ALLC: variants seen among roughly 807,000 people sequenced by gnomAD.
ALLC encodes the protein probable inactive allantoicase.
A neutral mutation model predicts 45.0 loss-of-function variants in ALLC; 40 were observed. The observed-to-expected ratio is 0.89, with a 90% CI of 0.69 to 1.16. The LOEUF (loss-of-function observed/expected upper bound fraction) is 1.16. Among genes scored for constraint, ALLC ranks in the 50% most tolerant of loss-of-function variants. The pLI is 0.00. For synonymous variants in ALLC, 176 were observed against 178.1 expected, an observed-to-expected ratio of 0.99 and a Z score of 0.09; for missense variants, 488 against 493.1, an observed-to-expected ratio of 0.99 and a Z score of 0.10.
At chr2:3,655,565 C>T (rs2147987239), upstream of ALLC, among the ~76,000 whole-genome samples, 1 of 152,322 alleles carries the variant, frequency 6.6e-6, no homozygotes, top group African/African-American at 2.4e-5. Context: ...AAGCGATCCT[C>T]CCACCTCAGC....
At chr2:3,654,481 T>C (rs1355626616), upstream of ALLC, among the ~76,000 whole-genome samples, 1 of 152,232 alleles carries the variant, frequency 6.6e-6, no homozygotes, top group Non-Finnish European at 1.5e-5. Context: ...TGAGGATTGC[T>C]GGGGCCGTCT....
At chr2:3,682,807 G>A (rs1262725425) in intron 6 of ALLC, 135 bp from the exon 7 acceptor site, 65 of 901,494 alleles carry the variant, frequency 7.2e-5, no homozygotes, top group Middle Eastern at 2.8e-4. Flanking sequence ...TTACAGGCGT[G>A]AGCCACCGTG....
intron 3 of ALLC, among the ~76,000 whole-genome samples, chr2:3,676,746 G>A (rs78688050): frequency 0.021 from 3,197 of 152,150 alleles, 48 homozygotes; most frequent in Non-Finnish European, 0.035. Context: ...GTGTGTGCAC[G>A]TGTGTCGGTT....
At chr2:3,669,694 G>A (rs931583121) in intron 1 of ALLC, among the ~76,000 whole-genome samples, 1 of 152,154 alleles carries the variant, frequency 6.6e-6, no homozygotes, top group African/African-American at 2.4e-5. Flanking sequence ...TGGGTCCAGT[G>A]GGCAGGTGGA....
At chr2:3,663,048 A>G (rs555609798) in intron 1 of ALLC, among the ~76,000 whole-genome samples, 3 of 152,300 alleles carry the variant, frequency 2.0e-5, no homozygotes, top group South Asian at 4.1e-4. Flanking sequence ...CAGAAATACC[A>G]TTGTACCCAG....
At chr2:3,679,743 A>T in intron 4 of ALLC, 126 bp from the exon 5 acceptor site, 6 of 1,321,294 alleles carry the variant, frequency 4.5e-6, no homozygotes, top group Non-Finnish European at 6.4e-6. Flanking sequence ...CGCCCTGAAC[A>T]GTTTTTTCTG....
intron 1 of ALLC, among the ~76,000 whole-genome samples, chr2:3,668,432 G>A (rs920244271): frequency 6.6e-6 from 1 of 152,058 alleles, no homozygotes; most frequent in African/African-American, 2.4e-5. Flanking sequence ...CTCTGGGGCT[G>A]GGCTAAGGAC....
chr2:3,659,008 G>C (rs1261283845), intron 1 of ALLC, among the ~76,000 whole-genome samples: 2 of 152,072 alleles, frequency 1.3e-5, no homozygotes, highest in Non-Finnish European at 2.9e-5. Flanking sequence ...GTCTCGTGCA[G>C]TTGACCTTGG....
chr2:3,674,714 C>T (rs1047558068), intron 3 of ALLC, among the ~76,000 whole-genome samples: 1 of 152,176 alleles, frequency 6.6e-6, no homozygotes, highest in Non-Finnish European at 1.5e-5. Context: ...TCTGTCTGGG[C>T]AGGACCTGGC....
the ALLC span, among the ~76,000 whole-genome samples, chr2:3,652,626 G>A: frequency 1.6e-5 from 2 of 125,358 alleles, no homozygotes; most frequent in East Asian, 2.5e-4. Context: ...AGTCTCGCTC[G>A]TTTAGCAGGC....
intron 7 of ALLC, among the ~76,000 whole-genome samples, chr2:3,685,462 A>T (rs1223091552): frequency 6.6e-6 from 1 of 150,770 alleles, no homozygotes; most frequent in Non-Finnish European, 1.5e-5. Context: ...AGAGAGAGAG[A>T]CAGAGACAGA....
intron 2 of ALLC, among the ~76,000 whole-genome samples, chr2:3,673,791 G>T (rs1666952044): frequency 6.6e-6 from 1 of 152,190 alleles, no homozygotes; most frequent in African/African-American, 2.4e-5. Flanking sequence ...ATGAAAAAAA[G>T]AAAGTTGGTT....
chr2:3,679,892 C>T lies in ALLC; in HGVS notation c.196C>T (p.Leu66=). Residue 66 remains leucine, a synonymous_variant, in exon 5 of 12, where the codon CTG becomes TTG. Coordinates refer to ENST00000252505, the MANE Select transcript of ALLC (RefSeq NM_018436.4). ...IPGHDWCVLR[L]GIQGVIRGFD... is the part of the protein sequence containing the mutation. ...AGGTCACGACTGGTGTGTCCTCAGGCTGGGGATCCAAGGAGTCATCCGGGG... is the reference window on the plus strand; with the variant it reads ...AGGTCACGACTGGTGTGTCCTCAGGTTGGGGATCCAAGGAGTCATCCGGGG... 1 of 1,613,980 alleles carries T rather than the reference C, an allele frequency of 6.2e-7. No homozygotes were observed. The highest frequency in any genetic ancestry group is 8.5e-7 in the Non-Finnish European group (1 of 1,179,900).
At chr2:3,677,609 G>A (rs1667058908) in intron 3 of ALLC, among the ~76,000 whole-genome samples, 1 of 152,286 alleles carries the variant, frequency 6.6e-6, no homozygotes, top group African/African-American at 2.4e-5. Context: ...GGTACCGTTG[G>A]CCACGGGTCC....
chr2:3,695,652 C>T, intron 7 of ALLC, 65 bp from the exon 8 acceptor site: 1 of 1,582,924 alleles, frequency 6.3e-7, no homozygotes, highest in Non-Finnish European at 8.7e-7. Flanking sequence ...CAGGAGGGTC[C>T]TGTAGTGTAT....
intron 10 of ALLC, 55 bp from the exon 11 acceptor site, chr2:3,701,457 C>A (rs546735841): frequency 3.9e-6 from 6 of 1,522,288 alleles, no homozygotes; most frequent in African/African-American, 1.4e-5. Flanking sequence ...ATATCCTATA[C>A]GCCAAACTGA....
intron 1 of ALLC, among the ~76,000 whole-genome samples, chr2:3,663,334 C>G (rs1180324486): frequency 6.6e-6 from 1 of 152,218 alleles, no homozygotes; most frequent in Non-Finnish European, 1.5e-5. Context: ...GAAAACCAAA[C>G]ACTGCATGTT....
rs183345834 is a variant in ALLC, at chr2:3,681,661, G to T, written c.326G>T (p.Gly109Val). Reference sequence around the variant, plus strand: ...AAACTACCAGAAATCCCAGAAAGAGGAACCAGGACAGGAGCTGCAGCCACT... The same window carrying T: ...AAACTACCAGAAATCCCAGAAAGAGTAACCAGGACAGGAGCTGCAGCCACT... ...EDKLPEIPER[G>V]TRTGAAATPE... The change falls in exon 6 of 12, where the codon GGA becomes GTA. Residue 109 changes from glycine (G) to valine (V), a missense_variant. Transcript: ENST00000252505. 1.4e-3 allele frequency: 2,308 copies of T among 1,610,868 alleles called. 6 individuals are homozygous for T. The highest frequency in any genetic ancestry group is 1.7e-3 in the Non-Finnish European group (2,062 of 1,178,424).
chr2:3,676,200 A>G (rs1050813455), intron 3 of ALLC, among the ~76,000 whole-genome samples: 4 of 152,218 alleles, frequency 2.6e-5, no homozygotes, highest in Admixed American at 1.3e-4. Context: ...TTAAATACAC[A>G]TATATTCGTA....
Sources: allele counts gnomAD v4.1 joint callset (sites outside exome capture counted in the v4.1 genomes callset), GRCh38; gene constraint gnomAD v4.1.1; transcripts MANE v1.5; gene names NCBI Gene and HGNC (gene_info 2026-07-23, HGNC 2026-07-21).